Variants in NAA60 observed in about 807,000 individuals in gnomAD.
NAA60 encodes the protein N-alpha-acetyltransferase 60, NatF catalytic subunit, also known as N-alpha-acetyltransferase 60.
NAA60 carries 8 observed loss-of-function variants against 26.1 expected under a neutral mutation model. That is an observed-to-expected ratio of 0.31 (90% CI 0.18 to 0.55). The LOEUF (loss-of-function observed/expected upper bound fraction) is 0.55. Ranked by LOEUF, NAA60 falls within the 20% of genes least tolerant of loss-of-function variation. The probability of loss-of-function intolerance (pLI) is 0.93; values close to 1 mark genes in which losing one functional copy is unlikely to be tolerated. For synonymous variants in NAA60, 131 were observed against 122.5 expected, an observed-to-expected ratio of 1.07 and a Z score of -0.46; for missense variants, 290 against 311.3, an observed-to-expected ratio of 0.93 and a Z score of 0.51.
intron 2 of NAA60, among the ~76,000 whole-genome samples, chr16:3,471,832 G>T (rs903167609): frequency 2.0e-5 from 3 of 152,156 alleles, no homozygotes; most frequent in African/African-American, 7.2e-5. Flanking sequence ...TTTCCCCCGT[G>T]CTGGTTCCTG....
chr16:3,447,281 G>A (rs527397586), intron 1 of NAA60, among the ~76,000 whole-genome samples: 5 of 152,320 alleles, frequency 3.3e-5, no homozygotes, highest in South Asian at 4.1e-4. Flanking sequence ...AAGACTATGC[G>A]TTAAAATGGT....
At chr16:3,459,875 A>G (rs141865900) in intron 2 of NAA60, among the ~76,000 whole-genome samples, 2 of 152,252 alleles carry the variant, frequency 1.3e-5, no homozygotes, top group Non-Finnish European at 1.5e-5. Context: ...TTTAGATGTG[A>G]CTTATCTGGG....
In NAA60 at chr16:3,448,501, A is replaced by G. The variant is rs1053694190; in HGVS notation, c.-46A>G. 17 of 1,535,496 alleles carry G rather than the reference A, an allele frequency of 1.1e-5. No individual in the cohort carries two copies. The Admixed American group carries it at 1.2e-4, about 11-fold the overall frequency. On this transcript the variant is annotated 5_prime_UTR_variant, in exon 2 of 8. Coordinates refer to ENST00000407558, the MANE Select transcript of NAA60 (RefSeq NM_001083601.3). ...AGAAAGGCTGTACCTGGAGGAAGGA[A>G]GTGCGGAGCCAGCCTGAGTTGGGAG...
intron 2 of NAA60, chr16:3,456,743 T>TG (rs1316446197): frequency 7.9e-5 from 12 of 152,058 alleles, no homozygotes; most frequent in Admixed American, 3.3e-4. Flanking sequence ...AAGGAGAAGA[T>TG]GGCAGAGTAG....
rs572218620 is a variant in NAA60, at chr16:3,483,906, T to A, written c.572+309T>A. On this transcript the variant is annotated intron_variant, in intron 6 of 7. Coordinates refer to ENST00000407558, the MANE Select transcript of NAA60 (RefSeq NM_001083601.3). ...TGCACCCAGCTGGAGAGCCTCCTGCTCCACTTGCACTGGGGATCAGCAGTG... is the reference window on the plus strand; with the variant it reads ...TGCACCCAGCTGGAGAGCCTCCTGCACCACTTGCACTGGGGATCAGCAGTG... 5 of 389,448 alleles carry A rather than the reference T, an allele frequency of 1.3e-5. No individual in the cohort carries two copies. In the South Asian group the frequency reaches 1.5e-4, roughly 12 times the overall value. 24.1% of individuals were successfully genotyped at this position (389,448 alleles called of 1,614,324 possible).
chr16:3,465,012 A>G (rs1335526260), intron 2 of NAA60, among the ~76,000 whole-genome samples: 4 of 152,186 alleles, frequency 2.6e-5, no homozygotes, highest in Admixed American at 6.5e-5. Context: ...TCAAGCCTGT[A>G]ATCTCAGTAC....
chr16:3,443,939 T>C (rs749355093), intron 1 of NAA60, 102 bp downstream of exon 1: 4 of 1,421,168 alleles, frequency 2.8e-6, no homozygotes, highest in Non-Finnish European at 3.7e-6. Context: ...GCTTGAGCTG[T>C]CCTTTGTGTC....
intron 2 of NAA60, among the ~76,000 whole-genome samples, chr16:3,454,125 C>T (rs1308981474): frequency 6.6e-6 from 1 of 152,212 alleles, no homozygotes; most frequent in Non-Finnish European, 1.5e-5. Context: ...AGAGGAAGGG[C>T]AGAGGCTGAC....
intron 3 of NAA60, among the ~76,000 whole-genome samples, chr16:3,476,781 C>G (rs2036512294): frequency 2.0e-5 from 3 of 152,130 alleles, no homozygotes; most frequent in Admixed American, 6.5e-5. Flanking sequence ...ATTAAAGGAG[C>G]CTGTAATCCC....
At chr16:3,447,410 C>G (rs1052236261) in intron 1 of NAA60, 1 of 954,572 alleles carries the variant, frequency 1.0e-6, no homozygotes, top group Non-Finnish European at 1.2e-6. Flanking sequence ...AATGGGGTAT[C>G]TTCCCTGGCG....
chr16:3,483,553 C>T lies in NAA60; in HGVS notation c.528C>T (p.Thr176=), dbSNP rs762024540. ...SIRGVLKDGF[T]YVLYINGGHP... is the part of the protein sequence containing the mutation. Reference sequence around the variant, plus strand: ...GAGGGGTCCTCAAAGATGGCTTCACCTATGTCCTCTACATCAACGGCGGCC... The same window carrying T: ...GAGGGGTCCTCAAAGATGGCTTCACTTATGTCCTCTACATCAACGGCGGCC... The change falls in exon 6 of 8, where the codon ACC becomes ACT. Residue 176 remains threonine, a synonymous_variant. Coordinates refer to ENST00000407558, the MANE Select transcript of NAA60 (RefSeq NM_001083601.3). 2.5e-6 allele frequency: 4 copies of T among 1,613,382 alleles called. No individual in the cohort carries two copies. The highest frequency in any genetic ancestry group is 2.5e-6 in the Non-Finnish European group (3 of 1,179,690).
In NAA60 at chr16:3,484,895, C is replaced by T. The variant is rs372068408; in HGVS notation, c.*40C>T. 27 of 1,549,440 alleles carry T rather than the reference C, an allele frequency of 1.7e-5. No homozygotes were observed. The highest frequency in any genetic ancestry group is 1.5e-4 in the African/African-American group (11 of 73,206). On this transcript the variant is annotated 3_prime_UTR_variant, in exon 7 of 8. Coordinates refer to ENST00000407558, the MANE Select transcript of NAA60 (RefSeq NM_001083601.3). ...CCGCCACCAGGCCCCACCCTTCGGCCGCCCGCAGAGCCCGCCTTCCTGTCC... is the reference window on the plus strand; with the variant it reads ...CCGCCACCAGGCCCCACCCTTCGGCTGCCCGCAGAGCCCGCCTTCCTGTCC...
chr16:3,458,382 T>G (rs1596300796), intron 2 of NAA60, among the ~76,000 whole-genome samples: 3 of 150,014 alleles, frequency 2.0e-5, no homozygotes. Flanking sequence ...CGGCGGGGAG[T>G]GGGCGCTGGC....
chr16:3,482,211 G>A (rs1468910380), intron 4 of NAA60, among the ~76,000 whole-genome samples: 1 of 152,210 alleles, frequency 6.6e-6, no homozygotes, highest in Admixed American at 6.5e-5. Context: ...TTTACCTTGT[G>A]CTGGCATCAG....
Position 3,485,807 on chromosome 16 carries a change from C to T in NAA60, c.*547C>T. ...GGGGGGTGAGGAGTGGCCCCCACTCCTCCATGAGGGGCTGATGAGGGGTGG... is the reference window on the plus strand; with the variant it reads ...GGGGGGTGAGGAGTGGCCCCCACTCTTCCATGAGGGGCTGATGAGGGGTGG... On this transcript the variant is annotated 3_prime_UTR_variant, in exon 8 of 8. Coordinates refer to ENST00000407558, the MANE Select transcript of NAA60 (RefSeq NM_001083601.3). 1 of 385,022 alleles carries T rather than the reference C, an allele frequency of 2.6e-6. No homozygotes were observed. Among genetic ancestry groups the T allele is most frequent in the Non-Finnish European group, 5.2e-6 (1 of 191,274 alleles). The allele number at this position is 385,022 out of a possible 1,614,324, so 23.9% of individuals were successfully genotyped here. A position where few individuals can be genotyped will look rare whatever the true frequency, so the allele number is the denominator to read the frequency against.
chr16:3,448,797 G>A, intron 2 of NAA60: 1 of 358,858 alleles, frequency 2.8e-6, no homozygotes, highest in Non-Finnish European at 5.1e-6. Flanking sequence ...AAGTAAACAA[G>A]ATTTGGTTTA....
intron 3 of NAA60, among the ~76,000 whole-genome samples, chr16:3,476,670 A>C (rs886666209): frequency 6.6e-6 from 1 of 152,218 alleles, no homozygotes; most frequent in African/African-American, 2.4e-5. Flanking sequence ...GCATTAGAGT[A>C]ATTAGAGTAT....
chr16:3,451,280 G>A (rs2034772439), intron 2 of NAA60, among the ~76,000 whole-genome samples: 1 of 152,214 alleles, frequency 6.6e-6, no homozygotes. Context: ...ACTTGTCCAT[G>A]TAAATAATAT....
Position 3,483,392 on chromosome 16 carries a change from C to G in NAA60, c.367C>G (p.His123Asp). ...CCTCTTACTTGAAAGTTTAAAGGAT[C>G]ACATATCAACCACCGCCCAGGACCA... ...GSLLLESLKDHISTTAQDHCK... is the reference protein window; with the variant it reads ...GSLLLESLKDDISTTAQDHCK... Residue 123 changes from histidine to aspartate, a missense_variant, in exon 6 of 8, where the codon CAC becomes GAC. His to Asp is a moderately conservative substitution (Grantham distance 81). Coordinates refer to ENST00000407558, the MANE Select transcript of NAA60 (RefSeq NM_001083601.3). The G allele has an allele frequency of 6.2e-7, 1 of 1,613,020 alleles. No homozygotes were observed. Among genetic ancestry groups the G allele is most frequent in the Non-Finnish European group, 8.5e-7 (1 of 1,179,382 alleles).
Sources: allele counts gnomAD v4.1 joint callset (sites outside exome capture counted in the v4.1 genomes callset), GRCh38; gene constraint gnomAD v4.1.1; transcripts MANE v1.5; gene names NCBI Gene and HGNC (gene_info 2026-07-23, HGNC 2026-07-21).